Variants in ATF2 observed in about 807,000 individuals in gnomAD.
ATF2 encodes the protein activating transcription factor 2.
Under a neutral mutation model 60.6 loss-of-function variants are expected in ATF2, and 24 were observed. That is an observed-to-expected ratio of 0.40 (90% CI 0.29 to 0.56). The LOEUF is 0.56. Ranked by LOEUF, ATF2 falls within the 20% of genes least tolerant of loss-of-function variation. ATF2 has a pLI of 0.54. For synonymous variants in ATF2, 206 were observed against 215.4 expected (o/e 0.96, Z 0.38); for missense variants, 433 against 607.7 (o/e 0.71, Z 3.02).
intron 1 of ATF2, among the ~76,000 whole-genome samples, chr2:175,155,870 A>G (rs931568462): frequency 2.0e-5 from 3 of 152,164 alleles, no homozygotes; most frequent in Admixed American, 6.5e-5. Context: ...CAGAAATTAT[A>G]TTTTTTTCAA....
intron 2 of ATF2, among the ~76,000 whole-genome samples, chr2:175,143,893 G>A (rs759434090): frequency 1.2e-4 from 18 of 152,040 alleles, no homozygotes; most frequent in Middle Eastern, 3.4e-3. Flanking sequence ...TCTCAGACTT[G>A]AGCAATCCTC....
chr2:175,166,134 G>C (rs1034477088), intron 1 of ATF2, among the ~76,000 whole-genome samples: 10 of 151,952 alleles, frequency 6.6e-5, no homozygotes, highest in African/African-American at 2.2e-4. Flanking sequence ...AGCTATAGAA[G>C]GTATTATGTA....
intron 10 of ATF2, among the ~76,000 whole-genome samples, chr2:175,108,698 G>A (rs1295121793): frequency 2.6e-5 from 4 of 152,338 alleles, no homozygotes; most frequent in South Asian, 2.1e-4. Flanking sequence ...CATTGAGAAC[G>A]GGCCATGATG....
At chr2:175,119,468 C>T (rs1696802185) in intron 5 of ATF2, among the ~76,000 whole-genome samples, 1 of 151,412 alleles carries the variant, frequency 6.6e-6, no homozygotes, top group Non-Finnish European at 1.5e-5. Context: ...ACCTTTGCCC[C>T]CCACATGTAT....
intron 11 of ATF2, among the ~76,000 whole-genome samples, chr2:175,095,184 G>C (rs372780057): frequency 6.6e-6 from 1 of 151,068 alleles, no homozygotes; most frequent in Non-Finnish European, 1.5e-5. Flanking sequence ...TACAACTTCC[G>C]CCTCCTGGGT....
At chr2:175,096,417 A>C (rs1176547911) in intron 11 of ATF2, among the ~76,000 whole-genome samples, 1 of 152,218 alleles carries the variant, frequency 6.6e-6, no homozygotes, top group African/African-American at 2.4e-5. Flanking sequence ...TAATACCTAC[A>C]TATGTGTGTA....
Position 175,118,352 on chromosome 2 carries a change from T to C in ATF2, c.217A>G (p.Thr73Ala). The C allele has an allele frequency of 6.2e-7, 1 of 1,610,364 alleles. No homozygotes were observed. Among genetic ancestry groups the C allele is most frequent in the Non-Finnish European group, 8.5e-7 (1 of 1,178,130 alleles). Residue 73 changes from threonine to alanine, a missense_variant, in exon 6 of 14, where the codon ACA becomes GCA. Physicochemically the swap from Thr to Ala is moderately conservative, Grantham distance 58. Coordinates refer to ENST00000264110, the MANE Select transcript of ATF2 (RefSeq NM_001880.4). ...TCTTCACAGTTTTTCAAGAATCTTG[T>C]TGGTGTTGGGGTCTGATCTGAAATA... Reference protein sequence around the residue: ...VIVADQTPTPTRFLKNCEEVG... With the variant: ...VIVADQTPTPARFLKNCEEVG...
At chr2:175,150,862 C>G (rs1433232) in intron 2 of ATF2, among the ~76,000 whole-genome samples, 198 bp downstream of exon 2, 39,662 of 151,938 alleles carry the variant, frequency 0.26, 6,157 homozygotes, top group African/African-American at 0.44. Context: ...TTTATATGCT[C>G]ACATTCATTC....
intron 11 of ATF2, among the ~76,000 whole-genome samples, chr2:175,096,116 C>A (rs1694916319): frequency 6.6e-6 from 1 of 152,150 alleles, no homozygotes; most frequent in Non-Finnish European, 1.5e-5. Context: ...ATATGTGTTT[C>A]TTTGATTGAA....
intron 13 of ATF2, among the ~76,000 whole-genome samples, chr2:175,078,441 C>T (rs910483808): frequency 6.6e-6 from 1 of 152,084 alleles, no homozygotes; most frequent in Non-Finnish European, 1.5e-5. Context: ...TTTCATGGAA[C>T]CCAAATATTT....
rs377093961 is a variant in ATF2 at position 175,097,558 on chromosome 2, T to C, written c.864A>G (p.Pro288=). The change falls in exon 11 of 14, where the codon CCA becomes CCG. Residue 288 remains proline (P), a synonymous_variant. Transcript: ENST00000264110. The part of the protein sequence containing the change: ...LKAALTQQHP[P]VTNGDTVKGH... Reference sequence around the variant, plus strand: ...CTTTGACAGTATCACCATTGGTAACTGGAGGATGTTGCTGGGTCAAAGCAG... The same window carrying C: ...CTTTGACAGTATCACCATTGGTAACCGGAGGATGTTGCTGGGTCAAAGCAG... 1.2e-6 allele frequency: 2 copies of C among 1,614,130 alleles called. No homozygotes were observed. The highest frequency in any genetic ancestry group is 1.7e-6 in the Non-Finnish European group (2 of 1,179,998).
At chr2:175,092,818 T>C (rs1183926583) in intron 12 of ATF2, among the ~76,000 whole-genome samples, 11 of 152,228 alleles carry the variant, frequency 7.2e-5, no homozygotes, top group Admixed American at 6.5e-4. Flanking sequence ...CCGGATAGTT[T>C]AGCTACTTTT....
At chr2:175,134,087 TTCAA>T (rs1305653564) in intron 3 of ATF2, among the ~76,000 whole-genome samples, 1 of 152,156 alleles carries the variant, frequency 6.6e-6, no homozygotes, top group Non-Finnish European at 1.5e-5. Flanking sequence ...CATCCATGGA[TTCAA>T]TCAATCTTGG....
At position 175,095,263 on chromosome 2, in the gene ATF2, T is replaced by A. The variant is rs573580326; in HGVS notation, c.979-1996A>T. On this transcript the variant is annotated intron_variant, in intron 11 of 13. Coordinates refer to ENST00000264110, the MANE Select transcript of ATF2 (RefSeq NM_001880.4). Reference sequence around the variant, plus strand: ...CAGGTGCCCACCACCACACCCAGCTTAATTTTTGTATTTTTAGTAGAGACG... The same window carrying A: ...CAGGTGCCCACCACCACACCCAGCTAAATTTTTGTATTTTTAGTAGAGACG... Among the ~76,000 whole-genome samples the A allele has an allele frequency of 3.9e-5, 6 of 151,992 alleles. No homozygotes were observed. In the East Asian group the frequency reaches 1.2e-3, roughly 29 times the overall value.
intron 1 of ATF2, among the ~76,000 whole-genome samples, chr2:175,154,856 T>C (rs6728754): frequency 0.094 from 14,301 of 152,230 alleles, 724 homozygotes; most frequent in Middle Eastern, 0.17. Flanking sequence ...AAGAGCCAAA[T>C]ACTGTGACAA....
intron 2 of ATF2, among the ~76,000 whole-genome samples, chr2:175,150,358 G>A (rs948018612): frequency 3.9e-5 from 6 of 151,934 alleles, no homozygotes; most frequent in African/African-American, 1.4e-4. Flanking sequence ...ACTATGTTTT[G>A]AAAGATTTTG....
chr2:175,086,847 C>T (rs936648372), intron 12 of ATF2, among the ~76,000 whole-genome samples: 1 of 151,942 alleles, frequency 6.6e-6, no homozygotes, highest in African/African-American at 2.4e-5. Context: ...CTGCATAAGT[C>T]CTGATTTTAA....
chr2:175,145,216 A>G (rs1348922353), intron 2 of ATF2, among the ~76,000 whole-genome samples: 1 of 152,084 alleles, frequency 6.6e-6, no homozygotes, highest in Non-Finnish European at 1.5e-5. Flanking sequence ...CAGACTCTGG[A>G]GTGTGATATA....
chr2:175,130,811 G>A (rs1053671536), intron 3 of ATF2, among the ~76,000 whole-genome samples: 10 of 152,090 alleles, frequency 6.6e-5, no homozygotes, highest in Non-Finnish European at 1.3e-4. Flanking sequence ...AAGGAGATAA[G>A]GTAGTATTAA....
Sources: allele counts gnomAD v4.1 joint callset (sites outside exome capture counted in the v4.1 genomes callset), GRCh38; gene constraint gnomAD v4.1.1; transcripts MANE v1.5; gene names NCBI Gene and HGNC (gene_info 2026-07-23, HGNC 2026-07-21).